Variants in TAFA2 observed in about 807,000 individuals in gnomAD.
TAFA2 encodes the protein chemokine-like protein TAFA-2.
TAFA2 carries 7 observed loss-of-function variants against 18.8 expected under a neutral mutation model. The ratio of observed to expected loss-of-function variants is 0.37; its 90% CI spans 0.21 to 0.70. The LOEUF (loss-of-function observed/expected upper bound fraction) is 0.70. TAFA2 is among the 30% of genes least tolerant of loss of function. TAFA2 has a pLI of 0.53. For missense variants in TAFA2, 122 were observed against 158.1 expected (o/e 0.77, Z 1.23); for synonymous variants, 60 against 54.2 (o/e 1.11, Z -0.47).
intron 1 of TAFA2, among the ~76,000 whole-genome samples, chr12:61,937,626 C>T (rs1035034893): frequency 2.0e-5 from 3 of 152,086 alleles, no homozygotes; most frequent in African/African-American, 7.2e-5. Flanking sequence ...AACCTGGATC[C>T]CTATCTTTCA....
chr12:62,156,023 G>C (rs557763685), intron 1 of TAFA2, among the ~76,000 whole-genome samples: 1 of 152,306 alleles, frequency 6.6e-6, no homozygotes, highest in South Asian at 2.1e-4. Context: ...CAGAGTGGGA[G>C]AAAATCTTCA....
rs559179836 is a variant in TAFA2 at position 61,772,807 on chromosome 12, G to T, written c.107-17783C>A. Among the ~76,000 whole-genome samples, 203 of 151,948 alleles carry T rather than the reference G, an allele frequency of 1.3e-3. 1 individual carries two copies. Among genetic ancestry groups the T allele is most frequent in the African/African-American group, 4.7e-3 (194 of 41,488 alleles). On this transcript the variant is annotated intron_variant, in intron 2 of 4. Coordinates refer to ENST00000416284, the MANE Select transcript of TAFA2 (RefSeq NM_178539.5). ...CCCCCTGAGAACTGGAACAAGAAAA[G>T]GATTCCCACGTTCACCACTTCTATT... is the stretch of plus-strand genomic sequence containing the variant.
At chr12:61,973,825 G>A (rs1290627306) in intron 1 of TAFA2, among the ~76,000 whole-genome samples, 1 of 151,678 alleles carries the variant, frequency 6.6e-6, no homozygotes, top group Non-Finnish European at 1.5e-5. Context: ...TAATCCTTGG[G>A]GAAGTGAGCA....
intron 1 of TAFA2, among the ~76,000 whole-genome samples, chr12:62,056,907 G>A (rs909887442): frequency 6.6e-6 from 1 of 152,214 alleles, no homozygotes; most frequent in African/African-American, 2.4e-5. Flanking sequence ...AAGTTAGCTA[G>A]CATTTTGTTT....
chr12:61,781,489 T>A lies in TAFA2; in HGVS notation c.107-26465A>T, dbSNP rs560532667. 2.6e-5 allele frequency among the ~76,000 whole-genome samples: 4 copies of A among 151,904 alleles called. No homozygotes were observed. In the South Asian group the frequency reaches 8.3e-4, roughly 32 times the overall value. On this transcript the variant is annotated intron_variant, in intron 2 of 4. Coordinates refer to ENST00000416284, the MANE Select transcript of TAFA2 (RefSeq NM_178539.5). The stretch of plus-strand genomic sequence containing the variant: ...GTAAAGCAGCTTAGACTTTAGCATA[T>A]CACCGTACTTGAAATCTGACATTGC...
At chr12:61,960,796 T>C (rs1379107912) in intron 1 of TAFA2, among the ~76,000 whole-genome samples, 1 of 151,902 alleles carries the variant, frequency 6.6e-6, no homozygotes, top group African/African-American at 2.4e-5. Context: ...AAAATCTTCT[T>C]TTCTCAAATT....
intron 2 of TAFA2, among the ~76,000 whole-genome samples, chr12:61,852,206 CAAA>C (rs200785282): frequency 9.6e-5 from 8 of 83,188 alleles, no homozygotes; most frequent in Admixed American, 1.2e-4. Context: ...AACTTCGTCT[CAAA>C]AAAAAAAAAA....
chr12:61,849,496 T>A (rs75274125), intron 2 of TAFA2, among the ~76,000 whole-genome samples: 3,436 of 152,278 alleles, frequency 0.023, 109 homozygotes, highest in African/African-American at 0.076. Flanking sequence ...TTTATTTTCA[T>A]AATATCCAAA....
chr12:62,016,383 C>T (rs1442851581), intron 1 of TAFA2, among the ~76,000 whole-genome samples: 1 of 152,092 alleles, frequency 6.6e-6, no homozygotes, highest in African/African-American at 2.4e-5. Flanking sequence ...AATTCTCTCA[C>T]CTCCAAAACA....
chr12:61,769,961 G>C (rs186120012), intron 2 of TAFA2, among the ~76,000 whole-genome samples: 230 of 152,108 alleles, frequency 1.5e-3, no homozygotes, highest in African/African-American at 5.3e-3. Context: ...CCAGAGAAAG[G>C]TGAATATCAA....
rs139583180 is a variant in TAFA2, at chr12:61,961,407, G to A, written c.-1-93981C>T. 1.3e-3 allele frequency among the ~76,000 whole-genome samples: 193 copies of A among 152,092 alleles called. 3 individuals are homozygous for A. The East Asian group carries it at 0.021, about 16-fold the overall frequency. ...GCCCAAGTCTTAAAGTTCCATAGCT[G>A]TGGTCATTTTTGCAGGTTAAATTAT... On this transcript the variant is annotated intron_variant, in intron 1 of 4. Transcript: ENST00000416284.
chr12:61,799,181 A>G (rs1871303657), intron 2 of TAFA2, among the ~76,000 whole-genome samples: 1 of 152,266 alleles, frequency 6.6e-6, no homozygotes, highest in South Asian at 2.1e-4. Context: ...GAAGAACAGT[A>G]TCACAGAGTC....
At chr12:61,795,275 G>T (rs1871145097) in intron 2 of TAFA2, among the ~76,000 whole-genome samples, 1 of 152,130 alleles carries the variant, frequency 6.6e-6, no homozygotes, top group African/African-American at 2.4e-5. Context: ...AAAGACACAT[G>T]CACACGTATG....
At chr12:61,767,207 T>C (rs1435827576) in intron 2 of TAFA2, among the ~76,000 whole-genome samples, 1 of 152,142 alleles carries the variant, frequency 6.6e-6, no homozygotes, top group East Asian at 1.9e-4. Flanking sequence ...CTAGGATATC[T>C]TGATTTTGGT....
chr12:62,037,603 C>T (rs1044446518), intron 1 of TAFA2, among the ~76,000 whole-genome samples: 1 of 152,274 alleles, frequency 6.6e-6, no homozygotes, highest in South Asian at 2.1e-4. Flanking sequence ...GCCCACGACC[C>T]ACTACAGACT....
At chr12:61,895,092 T>C (rs1875784315) in intron 1 of TAFA2, among the ~76,000 whole-genome samples, 1 of 152,188 alleles carries the variant, frequency 6.6e-6, no homozygotes, top group African/African-American at 2.4e-5. Context: ...AAGGGCGTTA[T>C]GTACTTTCAG....
intron 2 of TAFA2, among the ~76,000 whole-genome samples, chr12:61,849,096 G>A (rs1053230140): frequency 3.9e-5 from 6 of 152,002 alleles, no homozygotes; most frequent in African/African-American, 1.4e-4. Context: ...CACCCTCCTC[G>A]GCCTTCCAGA....
intron 1 of TAFA2, among the ~76,000 whole-genome samples, chr12:62,163,426 G>A (rs1176411509): frequency 6.6e-6 from 1 of 152,184 alleles, no homozygotes; most frequent in Middle Eastern, 3.4e-3. Flanking sequence ...GCAGTTTGGG[G>A]TGTTGTACTA....
chr12:61,796,944 T>A (rs532046030), intron 2 of TAFA2, among the ~76,000 whole-genome samples: 1 of 152,274 alleles, frequency 6.6e-6, no homozygotes, highest in South Asian at 2.1e-4. Context: ...AAGAAGTACA[T>A]GTGAAGAGGT....
Sources: gnomAD v4.1 joint callset for allele counts (sites outside exome capture counted in the v4.1 genomes callset) on GRCh38, gnomAD v4.1.1 for gene constraint, MANE v1.5 for transcripts, NCBI Gene and HGNC (gene_info 2026-07-23, HGNC 2026-07-21) for gene names.